The following PTPN11 variants were observed in gnomAD, a reference collection of about 807,000 sequenced individuals.
PTPN11 encodes the protein protein tyrosine phosphatase non-receptor type 11.
In PTPN11, 6 loss-of-function variants were observed where a neutral mutation model predicts 78.8. The ratio of observed to expected loss-of-function variants is 0.08; its 90% CI spans 0.04 to 0.15. PTPN11 has a LOEUF of 0.15. Among genes scored for constraint, PTPN11 ranks in the 10% least tolerant of loss-of-function variants. The pLI, the probability that PTPN11 is intolerant of heterozygous loss-of-function variation, is 1.00. For synonymous variants in PTPN11, 221 were observed against 263.5 expected, an observed-to-expected ratio of 0.84 and a Z score of 1.56; for missense variants, 386 against 744.8, an observed-to-expected ratio of 0.52 and a Z score of 5.61.
chr12:112,431,937 GA>G (rs1479931083), intron 1 of PTPN11, among the ~76,000 whole-genome samples: 10 of 151,876 alleles, frequency 6.6e-5, no homozygotes, highest in South Asian at 4.2e-4. Flanking sequence ...AAAAAGGGGG[GA>G]AAAAAACCAG....
At chr12:112,502,380 GCCCTACTGTTA>G (rs1351427386) in intron 14 of PTPN11, 124 bp downstream of exon 14, 2 of 797,670 alleles carry the variant, frequency 2.5e-6, no homozygotes, top group East Asian at 5.0e-5. Context: ...CGTTCCTGTT[GCCCTACTGTTA>G]GTGTATCTGT....
Position 112,504,614 on chromosome 12 carries a change from A to G in PTPN11, c.1713-81A>G, listed in dbSNP as rs2038912973. On this transcript the variant is annotated intron_variant, in intron 14 of 15. Transcript: ENST00000351677. This position sits in a 1 kb window ranked among gnomAD's most constrained non-coding sequence, Gnocchi z 4.7. The stretch of plus-strand genomic sequence containing the variant: ...ATATCTGGTGCCCAAAGAATGTAGT[A>G]TGTGTTTTATAGATATCATGTAAGC... The G allele has an allele frequency of 9.8e-6, 10 of 1,016,974 alleles. No homozygotes were observed. The East Asian group carries it at 1.8e-4, about 18-fold the overall frequency. 63.0% of individuals were successfully genotyped at this position (1,016,974 alleles called of 1,614,324 possible).
At chr12:112,491,953 C>T (rs1000661899) in intron 13 of PTPN11, among the ~76,000 whole-genome samples, 5 of 152,222 alleles carry the variant, frequency 3.3e-5, no homozygotes, top group African/African-American at 4.8e-5. Flanking sequence ...GTGACCCTCC[C>T]GCCTTGGCCT....
intron 7 of PTPN11, among the ~76,000 whole-genome samples, chr12:112,475,410 T>G (rs999501881): frequency 2.0e-5 from 3 of 152,238 alleles, no homozygotes. Flanking sequence ...CATAATGTTT[T>G]ATTGATTGAT....
intron 1 of PTPN11, among the ~76,000 whole-genome samples, chr12:112,445,610 A>G (rs1037017934): frequency 1.3e-5 from 2 of 150,198 alleles, no homozygotes; most frequent in Non-Finnish European, 3.0e-5. Context: ...TATCCTCAAC[A>G]TGGTAACTTA....
At chr12:112,488,562 A>G (rs2038707817) in intron 12 of PTPN11, 52 bp downstream of exon 12, 2 of 1,523,814 alleles carry the variant, frequency 1.3e-6, no homozygotes, top group Admixed American at 1.7e-5. Flanking sequence ...AGTTTATGGA[A>G]GGAAAGTGCT....
intron 13 of PTPN11, among the ~76,000 whole-genome samples, chr12:112,498,180 T>G (rs2038835208): frequency 6.6e-6 from 1 of 151,782 alleles, no homozygotes; most frequent in South Asian, 2.1e-4. Context: ...CCCCTCATTT[T>G]GAAAGGGAAC....
At chr12:112,446,054 T>C (rs1442647265) in intron 1 of PTPN11, among the ~76,000 whole-genome samples, 1 of 152,076 alleles carries the variant, frequency 6.6e-6, no homozygotes, top group Admixed American at 6.6e-5. Context: ...GTCCCTCTGA[T>C]CATATCCCCA....
intron 13 of PTPN11, among the ~76,000 whole-genome samples, chr12:112,491,022 C>T (rs576070515): frequency 6.6e-6 from 1 of 151,868 alleles, no homozygotes; most frequent in African/African-American, 2.4e-5. Context: ...ATGAAGTGTT[C>T]AGGACCTTTG....
chr12:112,427,556 AATCTATAT>A (rs1178129885), intron 1 of PTPN11, among the ~76,000 whole-genome samples: 7 of 151,638 alleles, frequency 4.6e-5, no homozygotes, highest in South Asian at 2.1e-4. Flanking sequence ...AAAAAAAAAA[AATCTATAT>A]ATCTATATAT....
intron 6 of PTPN11, among the ~76,000 whole-genome samples, chr12:112,459,018 G>A (rs1268955324): frequency 7.1e-5 from 9 of 126,676 alleles, no homozygotes; most frequent in Non-Finnish European, 1.4e-4. Flanking sequence ...GAGCAACAGA[G>A]CCAGAACCTG....
intron 6 of PTPN11, among the ~76,000 whole-genome samples, chr12:112,460,975 G>A (rs1443905714): frequency 1.3e-5 from 2 of 152,038 alleles, no homozygotes; most frequent in African/African-American, 4.8e-5. Context: ...TGTCCTGAGA[G>A]TTACTTATAG....
Position 112,486,505 on chromosome 12 carries a change from C to A in PTPN11, c.1255C>A (p.His419Asn). ...GNTERTVWQYHFRTWPDHGVP... is the reference protein window; with the variant it reads ...GNTERTVWQYNFRTWPDHGVP... ...TACGGAGAGAACGGTCTGGCAATAC[C>A]ACTTTCGGACCTGGCCGGACCACGG... The change falls in exon 11 of 16, where the codon CAC (histidine) becomes AAC (asparagine). Residue 419 changes from histidine to asparagine, a missense_variant. Coordinates refer to ENST00000351677, the MANE Select transcript of PTPN11 (RefSeq NM_002834.5). The A allele has an allele frequency of 6.2e-7, 1 of 1,614,150 alleles. No homozygotes were observed.
chr12:112,440,564 T>C (rs1041948489), intron 1 of PTPN11, among the ~76,000 whole-genome samples: 1 of 89,924 alleles, frequency 1.1e-5, no homozygotes, highest in Non-Finnish European at 2.3e-5. Context: ...GTGCCTGGCC[T>C]TTTTTTTTTT....
intron 7 of PTPN11, among the ~76,000 whole-genome samples, chr12:112,474,695 G>A (rs373394291): frequency 6.6e-5 from 10 of 152,204 alleles, no homozygotes; most frequent in South Asian, 2.1e-4. Flanking sequence ...GGTCACTGCA[G>A]CCTCAACCTC....
chr12:112,453,156 A>G (rs1391049890), intron 3 of PTPN11, 39 bp from the exon 4 acceptor site: 8 of 1,550,880 alleles, frequency 5.2e-6, no homozygotes, highest in East Asian at 2.2e-5. Context: ...ATGAACCCAT[A>G]GTAGAGCTAA....
chr12:112,472,556 C>G (rs1014849233), intron 6 of PTPN11, among the ~76,000 whole-genome samples: 3 of 146,358 alleles, frequency 2.0e-5, no homozygotes, highest in Non-Finnish European at 4.5e-5. Context: ...TTTTTTGAGA[C>G]GGAGTCTCGC....
chr12:112,454,418 C>A (rs751681056), intron 4 of PTPN11, 146 bp from the exon 5 acceptor site: 198 of 726,432 alleles, frequency 2.7e-4, no homozygotes, highest in Admixed American at 5.0e-4. Context: ...CTGCACCCAG[C>A]CTATTATCTG....
chr12:112,505,670 A>C (rs1284656063), intron 15 of PTPN11, among the ~76,000 whole-genome samples, 155 bp from the exon 16 acceptor site: 5 of 151,648 alleles, frequency 3.3e-5, no homozygotes, highest in African/African-American at 4.8e-5. Context: ...AAAAAAAAAA[A>C]AAAAAAAAAA....
Sources: allele counts gnomAD v4.1 joint callset (sites outside exome capture counted in the v4.1 genomes callset), GRCh38; gene constraint gnomAD v4.1.1; non-coding constraint Gnocchi (gnomAD v3.1); transcripts MANE v1.5; gene names NCBI Gene and HGNC (gene_info 2026-07-23, HGNC 2026-07-21).